PRKCE: variants seen among roughly 807,000 people sequenced by gnomAD.
PRKCE encodes the protein protein kinase C epsilon type.
A neutral mutation model predicts 85.4 loss-of-function variants in PRKCE; 16 were observed. That is an observed-to-expected ratio of 0.19 (90% CI 0.13 to 0.28). The LOEUF (loss-of-function observed/expected upper bound fraction) is 0.28, where lower values mean the gene tolerates loss of function less well. Ranked by LOEUF, PRKCE falls within the 10% of genes least tolerant of loss-of-function variation. The pLI, the probability that PRKCE is intolerant of heterozygous loss-of-function variation, is 1.00. For synonymous variants in PRKCE, 388 were observed against 371.5 expected (o/e 1.04, Z -0.51); for missense variants, 573 against 975.2 (o/e 0.59, Z 5.49).
intron 14 of PRKCE, among the ~76,000 whole-genome samples, chr2:46,170,389 A>C (rs538513216): frequency 2.6e-5 from 4 of 152,214 alleles, no homozygotes; most frequent in Non-Finnish European, 5.9e-5. Flanking sequence ...TTCCAAACAT[A>C]TATAAAAGTA....
At chr2:45,912,030 G>C (rs1449488840) in intron 2 of PRKCE, among the ~76,000 whole-genome samples, 1 of 152,036 alleles carries the variant, frequency 6.6e-6, no homozygotes, top group Non-Finnish European at 1.5e-5. Context: ...TAGCTTGGGA[G>C]AATGTTTCCC....
intron 2 of PRKCE, among the ~76,000 whole-genome samples, chr2:45,877,300 A>G (rs528770519): frequency 6.6e-6 from 1 of 152,232 alleles, no homozygotes; most frequent in African/African-American, 2.4e-5. Flanking sequence ...ATATTTAGGT[A>G]TGGCTTCTTA....
rs143983968 is a variant in PRKCE, at chr2:45,946,143, C to T, written c.413-30286C>T. On this transcript the variant is annotated intron_variant, in intron 2 of 14. Transcript: ENST00000306156. ...CCAAGGTGGCCAGAGTTTGCAGAAC[C>T]ACTTTGTAAAGGAATGAGGAGGAGC... Among the ~76,000 whole-genome samples the T allele has an allele frequency of 1.1e-4, 16 of 152,352 alleles. No individual in the cohort carries two copies. The East Asian group carries it at 2.5e-3, about 24-fold the overall frequency.
At chr2:46,093,857 A>G (rs1040118492) in intron 11 of PRKCE, among the ~76,000 whole-genome samples, 1 of 152,140 alleles carries the variant, frequency 6.6e-6, no homozygotes, top group Non-Finnish European at 1.5e-5. Context: ...GGTTTACTGT[A>G]ATTTTGGTTA....
intron 2 of PRKCE, among the ~76,000 whole-genome samples, chr2:45,862,874 C>T (rs556147841): frequency 6.6e-5 from 10 of 152,354 alleles, no homozygotes; most frequent in African/African-American, 2.2e-4. Flanking sequence ...TTCGCAGGGG[C>T]TGCATTCACA....
At chr2:45,799,134 C>G (rs2105164636) in intron 1 of PRKCE, among the ~76,000 whole-genome samples, 1 of 151,522 alleles carries the variant, frequency 6.6e-6, no homozygotes, top group East Asian at 1.9e-4. Flanking sequence ...CCACGGCACT[C>G]CAGCCTGGGC....
intron 11 of PRKCE, among the ~76,000 whole-genome samples, chr2:46,109,654 C>T (rs546929611): frequency 1.3e-5 from 2 of 152,158 alleles, no homozygotes; most frequent in East Asian, 3.9e-4. Context: ...TGAATAAAGA[C>T]AATTTTGTTA....
chr2:45,743,297 A>G (rs1914312), intron 1 of PRKCE, among the ~76,000 whole-genome samples: 71,675 of 152,060 alleles, frequency 0.47, 18,367 homozygotes, highest in South Asian at 0.71. Flanking sequence ...TGAGGTGAAT[A>G]TGATAATTAG....
intron 1 of PRKCE, among the ~76,000 whole-genome samples, chr2:45,742,583 C>G (rs185306417): frequency 6.6e-6 from 1 of 152,252 alleles, no homozygotes; most frequent in Non-Finnish European, 1.5e-5. Context: ...TCACCTCACA[C>G]CTGTAAGAAT....
At chr2:45,775,865 T>A (rs1286190966) in intron 1 of PRKCE, among the ~76,000 whole-genome samples, 1 of 152,164 alleles carries the variant, frequency 6.6e-6, no homozygotes, top group Non-Finnish European at 1.5e-5. Flanking sequence ...TCATTGTGCA[T>A]TTTTCTCTCC....
At chr2:46,118,551 A>T (rs1277455974) in intron 11 of PRKCE, among the ~76,000 whole-genome samples, 1 of 152,218 alleles carries the variant, frequency 6.6e-6, no homozygotes, top group Admixed American at 6.5e-5. Context: ...AAAGCCTTGG[A>T]CTAACAAAAG....
In PRKCE at chr2:45,667,295, G is replaced by C. The variant is rs140669014; in HGVS notation, c.348+14847G>C. Reference sequence around the variant, plus strand: ...CACTGCACTCCAGCCTGGGTAACAGGTTGAGACTCTGTCTCAAAAAAAAAT... The same window carrying C: ...CACTGCACTCCAGCCTGGGTAACAGCTTGAGACTCTGTCTCAAAAAAAAAT... On this transcript the variant is annotated intron_variant, in intron 1 of 14. Transcript: ENST00000306156. Among the ~76,000 whole-genome samples the C allele has an allele frequency of 2.0e-5, 3 of 152,126 alleles. No individual in the cohort carries two copies. In the East Asian group the frequency reaches 5.8e-4, roughly 30 times the overall value.
chr2:45,782,361 C>G (rs182757304), intron 1 of PRKCE, among the ~76,000 whole-genome samples: 2 of 152,278 alleles, frequency 1.3e-5, no homozygotes, highest in East Asian at 3.9e-4. Flanking sequence ...GTTCTAATCC[C>G]AAGTCCCCAC....
intron 1 of PRKCE, among the ~76,000 whole-genome samples, chr2:45,674,425 A>C (rs1302992096): frequency 6.6e-6 from 1 of 152,090 alleles, no homozygotes; most frequent in Non-Finnish European, 1.5e-5. Flanking sequence ...GGTCAAGAGG[A>C]CTCTGTCAAA....
intron 1 of PRKCE, among the ~76,000 whole-genome samples, chr2:45,787,087 G>A (rs1442454342): frequency 6.6e-6 from 1 of 151,930 alleles, no homozygotes; most frequent in African/African-American, 2.4e-5. Context: ...TGGTGGATGT[G>A]GGAAAATCTA....
chr2:46,075,994 A>G (rs1258324868), intron 10 of PRKCE, among the ~76,000 whole-genome samples: 1 of 152,210 alleles, frequency 6.6e-6, no homozygotes, highest in African/African-American at 2.4e-5. Context: ...GAAAGCAACC[A>G]GTGGGGCGAA....
chr2:46,141,338 T>A (rs1675504103), intron 11 of PRKCE, among the ~76,000 whole-genome samples: 1 of 152,094 alleles, frequency 6.6e-6, no homozygotes, highest in Non-Finnish European at 1.5e-5. Flanking sequence ...ATATTTTAAG[T>A]GAAAAAGATA....
rs931318548 is a variant in PRKCE, at chr2:45,658,155, C to T, written c.348+5707C>T. ...GGCTGGCAATTGTCCATACCTCCTTCGTGTGCGCCTATACCCTGAATTATT... is the reference window on the plus strand; with the variant it reads ...GGCTGGCAATTGTCCATACCTCCTTTGTGTGCGCCTATACCCTGAATTATT... On this transcript the variant is annotated intron_variant, in intron 1 of 14. Transcript: ENST00000306156. Among the ~76,000 whole-genome samples the T allele has an allele frequency of 7.9e-5, 12 of 152,148 alleles. No homozygotes were observed. The South Asian group carries it at 8.3e-4, about 10-fold the overall frequency.
At chr2:45,957,823 G>T (rs1401026753) in intron 2 of PRKCE, among the ~76,000 whole-genome samples, 1 of 152,004 alleles carries the variant, frequency 6.6e-6, no homozygotes, top group Non-Finnish European at 1.5e-5. Context: ...GAGGTGGAAT[G>T]ATAGTCTGAG....
Sources: gnomAD v4.1 joint callset for allele counts (sites outside exome capture counted in the v4.1 genomes callset) on GRCh38, gnomAD v4.1.1 for gene constraint, MANE v1.5 for transcripts, NCBI Gene and HGNC (gene_info 2026-07-23, HGNC 2026-07-21) for gene names.